The following ARHGAP24 variants were observed in gnomAD, a reference collection of about 807,000 sequenced individuals.
ARHGAP24 encodes Rho GTPase activating protein 24.
ARHGAP24 carries 50 observed loss-of-function variants against 76.4 expected under a neutral mutation model. That is an observed-to-expected ratio of 0.65 (90% CI 0.52 to 0.83). The LOEUF (loss-of-function observed/expected upper bound fraction) is 0.83. Ranked by LOEUF, ARHGAP24 falls within the 40% of genes least tolerant of loss-of-function variation. The pLI, the probability that ARHGAP24 is intolerant of heterozygous loss-of-function variation, is 0.00. For missense variants in ARHGAP24, 930 were observed against 914.2 expected (o/e 1.02, Z -0.22); for synonymous variants, 345 against 323.3 (o/e 1.07, Z -0.72).
chr4:85,700,417 A>AAAG (rs568626482), intron 2 of ARHGAP24, among the ~76,000 whole-genome samples: 6 of 47,068 alleles, frequency 1.3e-4, no homozygotes, highest in African/African-American at 2.0e-4. Flanking sequence ...ATAAATAAAT[A>AAAG]AAGAAGAAGA....
chr4:85,486,454 A>G (rs1443769184), intron 1 of ARHGAP24, among the ~76,000 whole-genome samples: 1 of 152,200 alleles, frequency 6.6e-6, no homozygotes, highest in Non-Finnish European at 1.5e-5. Flanking sequence ...TAAAAGATTG[A>G]GTTTTAACTT....
At chr4:85,783,652 C>A (rs905303896) in intron 3 of ARHGAP24, among the ~76,000 whole-genome samples, 1 of 152,052 alleles carries the variant, frequency 6.6e-6, no homozygotes, top group South Asian at 2.1e-4. Flanking sequence ...CAATCATGTA[C>A]CCCATTCTCT....
chr4:85,746,058 G>GTTCTC (rs1259987435), intron 3 of ARHGAP24, among the ~76,000 whole-genome samples: 2 of 152,184 alleles, frequency 1.3e-5, no homozygotes, highest in African/African-American at 4.8e-5. Context: ...GTTTTGTTTT[G>GTTCTC]TTCTCATATA....
chr4:85,944,307 G>A (rs771021758), intron 5 of ARHGAP24, among the ~76,000 whole-genome samples: 7 of 152,096 alleles, frequency 4.6e-5, no homozygotes, highest in Non-Finnish European at 7.3e-5. Context: ...TAAATTCTTA[G>A]CATTGGAGTT....
At chr4:85,984,847 G>A (rs1290070699) in intron 8 of ARHGAP24, among the ~76,000 whole-genome samples, 2 of 151,960 alleles carry the variant, frequency 1.3e-5, no homozygotes, top group Non-Finnish European at 2.9e-5. Context: ...TTTCAAGATG[G>A]AGTCTCACTC....
At chr4:85,602,182 C>T (rs549286564) in intron 2 of ARHGAP24, among the ~76,000 whole-genome samples, 1 of 152,268 alleles carries the variant, frequency 6.6e-6, no homozygotes, top group South Asian at 2.1e-4. Context: ...AGATAAAACT[C>T]TGCATGGAAC....
chr4:85,561,380 A>G (rs550136428), intron 1 of ARHGAP24, among the ~76,000 whole-genome samples: 1 of 152,160 alleles, frequency 6.6e-6, no homozygotes, highest in African/African-American at 2.4e-5. Flanking sequence ...TCTCTATTAC[A>G]TCCTTTGTTA....
intron 1 of ARHGAP24, among the ~76,000 whole-genome samples, chr4:85,488,683 T>C (rs939317233): frequency 1.3e-5 from 2 of 152,124 alleles, no homozygotes; most frequent in African/African-American, 4.8e-5. Flanking sequence ...CTTGAGAAAA[T>C]TGAACTTAAA....
chr4:85,943,643 T>C (rs1450928826), intron 5 of ARHGAP24, among the ~76,000 whole-genome samples: 1 of 152,080 alleles, frequency 6.6e-6, no homozygotes, highest in African/African-American at 2.4e-5. Context: ...TGGTGTGTGA[T>C]GTTCCCCTCC....
intron 1 of ARHGAP24, among the ~76,000 whole-genome samples, chr4:85,491,793 G>A (rs768093233): frequency 5.3e-5 from 8 of 152,116 alleles, no homozygotes; most frequent in Admixed American, 3.3e-4. Context: ...CATTGAATTA[G>A]CCTCAAGTTG....
intron 5 of ARHGAP24, among the ~76,000 whole-genome samples, chr4:85,965,504 G>A (rs1433114536): frequency 6.6e-6 from 1 of 152,134 alleles, no homozygotes; most frequent in Non-Finnish European, 1.5e-5. Flanking sequence ...AGACAAATAT[G>A]TAACTAGTAG....
At chr4:85,714,028 T>G (rs1724633257) in intron 2 of ARHGAP24, among the ~76,000 whole-genome samples, 1 of 152,146 alleles carries the variant, frequency 6.6e-6, no homozygotes, top group Admixed American at 6.5e-5. Flanking sequence ...TTCCTTTCCC[T>G]CATTTCCAAT....
intron 2 of ARHGAP24, among the ~76,000 whole-genome samples, chr4:85,665,044 GCT>G (rs757796326): frequency 9.0e-4 from 137 of 152,244 alleles, no homozygotes; most frequent in Non-Finnish European, 1.2e-3. Flanking sequence ...TTGGTGCAGA[GCT>G]GAGTTCAATT....
intron 5 of ARHGAP24, among the ~76,000 whole-genome samples, chr4:85,952,388 T>C (rs1433075189): frequency 6.6e-6 from 1 of 152,236 alleles, no homozygotes; most frequent in Non-Finnish European, 1.5e-5. Context: ...TTTGCACATA[T>C]CTGTCCTCAG....
rs139449937 is a variant in ARHGAP24 at position 85,765,304 on chromosome 4, C to T, written c.268+43332C>T. On this transcript the variant is annotated intron_variant, in intron 3 of 9. Coordinates refer to ENST00000395184, the MANE Select transcript of ARHGAP24 (RefSeq NM_001025616.3). ...GTGCAGTGAGTAGAATATTAGAGCA[C>T]ACCTGCAAGTGGCATTAAAACGTTT... Among the ~76,000 whole-genome samples the T allele has an allele frequency of 1.4e-3, 211 of 152,144 alleles. 1 individual carries two copies. Among genetic ancestry groups the T allele is most frequent in the Admixed American group, 2.3e-3 (35 of 15,280 alleles).
At chr4:85,520,832 G>C (rs1302873043) in intron 1 of ARHGAP24, among the ~76,000 whole-genome samples, 1 of 152,146 alleles carries the variant, frequency 6.6e-6, no homozygotes, top group African/African-American at 2.4e-5. Context: ...TGCAAAGAAT[G>C]ATTTGACCAA....
intron 1 of ARHGAP24, among the ~76,000 whole-genome samples, chr4:85,552,687 G>A (rs1726188806): frequency 6.6e-6 from 1 of 152,148 alleles, no homozygotes; most frequent in African/African-American, 2.4e-5. Flanking sequence ...CTTTCTCTAT[G>A]AGTCTTGGTG....
intron 1 of ARHGAP24, among the ~76,000 whole-genome samples, chr4:85,531,890 C>T (rs1560522047): frequency 1.3e-5 from 2 of 152,044 alleles, no homozygotes; most frequent in Admixed American, 1.3e-4. Context: ...GATCAATTCC[C>T]ATGGGTCTGT....
At chr4:85,544,798 C>A (rs1196479217) in intron 1 of ARHGAP24, among the ~76,000 whole-genome samples, 1 of 152,116 alleles carries the variant, frequency 6.6e-6, no homozygotes, top group Non-Finnish European at 1.5e-5. Context: ...ACAATTGTTA[C>A]AACTCCCTGC....
Sources: gnomAD v4.1 joint callset for allele counts (sites outside exome capture counted in the v4.1 genomes callset) on GRCh38, gnomAD v4.1.1 for gene constraint, MANE v1.5 for transcripts, NCBI Gene and HGNC (gene_info 2026-07-23, HGNC 2026-07-21) for gene names.